TPGS1: variants seen among roughly 807,000 people sequenced by gnomAD.
TPGS1 encodes the protein tubulin polyglutamylase complex subunit 1, also known as gene trap ROSA b-geo 22.
In TPGS1, 18 loss-of-function variants were observed where a neutral mutation model predicts 11.9. The observed-to-expected ratio is 1.51, with a 90% confidence interval of 1.04 to 2.24. The LOEUF is 2.24. TPGS1 is among the 30% of genes most tolerant of loss of function. TPGS1 has a pLI of 0.00. For synonymous variants in TPGS1, 247 were observed against 218.2 expected (o/e 1.13, Z -1.16); for missense variants, 500 against 443.0 (o/e 1.13, Z -1.16).
Position 519,116 on chromosome 19 carries a change from T to G in TPGS1, c.566T>G (p.Phe189Cys). 6.5e-7 allele frequency: 1 copy of G among 1,530,342 alleles called. No individual in the cohort carries two copies. The highest frequency in any genetic ancestry group is 8.7e-7 in the Non-Finnish European group (1 of 1,145,492). The allele number at this position is 1,530,342 out of a possible 1,614,324, so 94.8% of individuals were successfully genotyped here. A position where few individuals can be genotyped will look rare whatever the true frequency, so the allele number is the denominator to read the frequency against. The change falls in exon 2 of 2, where the codon TTC becomes TGC. Residue 189 changes from phenylalanine to cysteine, a missense_variant. Coordinates refer to ENST00000359315, the MANE Select transcript of TPGS1 (RefSeq NM_033513.3). Reference protein sequence around the residue: ...SVFRAGTLTCFVLLEFVARAG... With the variant: ...SVFRAGTLTCCVLLEFVARAG... ...TTCCGCGCGGGCACACTCACCTGCT[T>G]CGTGCTGCTGGAGTTCGTGGCGCGC...
intron 1 of TPGS1, among the ~76,000 whole-genome samples, chr19:512,096 C>G (rs1371208670): frequency 1.3e-5 from 2 of 152,156 alleles, no homozygotes; most frequent in African/African-American, 4.8e-5. Flanking sequence ...GTCTTGAACT[C>G]CTGACCTCAA....
chr19:507,981 G>C (rs1337087256), intron 1 of TPGS1, 137 bp downstream of exon 1: 2 of 635,982 alleles, frequency 3.1e-6, no homozygotes, highest in Non-Finnish European at 4.6e-6. Context: ...ATGCCTTCTT[G>C]GGTGGGATGG....
At chr19:518,176 TGGTGG>T (rs1379481852) in intron 1 of TPGS1, among the ~76,000 whole-genome samples, 2 of 9,022 alleles carry the variant, frequency 2.2e-4, no homozygotes. Flanking sequence ...CTGGGAGTGC[TGGTGG>T]GGTGGGGAGG....
chr19:507,940 G>A (rs944773466), intron 1 of TPGS1, 96 bp downstream of exon 1: 12 of 1,008,752 alleles, frequency 1.2e-5, no homozygotes, highest in Admixed American at 8.5e-5. Flanking sequence ...CGGCGCAGGG[G>A]CCCGGGGCTT....
At position 513,669 on chromosome 19, in the gene TPGS1, C is replaced by T. The variant is rs67341978; in HGVS notation, c.339-5220C>T. 9.9e-3 allele frequency among the ~76,000 whole-genome samples: 804 copies of T among 80,976 alleles called. 20 individuals carry two copies. The highest frequency in any genetic ancestry group is 0.021 in the African/African-American group (522 of 25,234). The allele number at this position is 80,976 out of a possible 152,430, so 53.1% of individuals were successfully genotyped here. A position where few individuals can be genotyped will look rare whatever the true frequency, so the allele number is the denominator to read the frequency against. ...TACTGAGCACCTACTGCATACTGGC[C>T]CTGCATTACTGAGTACCTACTGCAC... On this transcript the variant is annotated intron_variant, in intron 1 of 1. Coordinates refer to ENST00000359315, the MANE Select transcript of TPGS1 (RefSeq NM_033513.3).
intron 1 of TPGS1, among the ~76,000 whole-genome samples, chr19:514,910 G>A (rs569969722): frequency 2.4e-4 from 37 of 152,332 alleles, no homozygotes; most frequent in African/African-American, 4.8e-5. Flanking sequence ...TGCCCTCCAC[G>A]GGAGTGTGTG....
rs752548808 is a variant in TPGS1 at position 519,111 on chromosome 19, C to T, written c.561C>T (p.Thr187=). The T allele has an allele frequency of 4.6e-6, 7 of 1,529,632 alleles. No homozygotes were observed. The Admixed American group carries it at 5.9e-5, about 13-fold the overall frequency. 94.8% of individuals were successfully genotyped at this position (1,529,632 alleles called of 1,614,324 possible). ...PLSVFRAGTL[T]CFVLLEFVAR... The stretch of plus-strand genomic sequence containing the variant: ...GCGTCTTCCGCGCGGGCACACTCAC[C>T]TGCTTCGTGCTGCTGGAGTTCGTGG... Residue 187 remains threonine, a synonymous_variant, in exon 2 of 2, where the codon ACC becomes ACT. Transcript: ENST00000359315.
intron 1 of TPGS1, among the ~76,000 whole-genome samples, chr19:515,981 G>A (rs193278328): frequency 0.056 from 8,350 of 149,202 alleles, 288 homozygotes; most frequent in South Asian, 0.1. Context: ...GCAGTGAGCC[G>A]AGATCCCGCC....
Position 519,480 on chromosome 19 carries a change from G to T in TPGS1, c.*57G>T. The T allele has an allele frequency of 6.0e-6, 7 of 1,169,050 alleles. No homozygotes were observed. The highest frequency in any genetic ancestry group is 7.4e-6 in the Non-Finnish European group (7 of 944,842). The allele number at this position is 1,169,050 out of a possible 1,614,324, so 72.4% of individuals were successfully genotyped here. A position where few individuals can be genotyped will look rare whatever the true frequency, so the allele number is the denominator to read the frequency against. On this transcript the variant is annotated 3_prime_UTR_variant, in exon 2 of 2. Coordinates refer to ENST00000359315, the MANE Select transcript of TPGS1 (RefSeq NM_033513.3). ...GCTGGGGGGTCCCCGCGTGCGGGGC[G>T]CGCGGAGCCTTCCCTTCGCCCTGGT... is the stretch of plus-strand genomic sequence containing the variant.
intron 1 of TPGS1, 35 bp downstream of exon 1, chr19:507,879 C>T: frequency 1.5e-6 from 2 of 1,293,458 alleles, no homozygotes; most frequent in Non-Finnish European, 2.0e-6. Flanking sequence ...GGTGGGGCAG[C>T]GATGGACTTC....
At chr19:514,376 G>A (rs1193417777) in intron 1 of TPGS1, among the ~76,000 whole-genome samples, 1 of 149,784 alleles carries the variant, frequency 6.7e-6, no homozygotes, top group East Asian at 2.0e-4. Context: ...CATTTACTGA[G>A]CACCCACTGC....
At position 519,180 on chromosome 19, in the gene TPGS1, C is replaced by T; in HGVS notation, c.630C>T (p.Ala210=). The part of the protein sequence containing the change: ...ALFQLLEDSA[A]AVADRRVGQA... The stretch of plus-strand genomic sequence containing the variant: ...TCCAGCTGCTGGAGGACTCGGCCGC[C>T]GCCGTGGCCGACCGCCGCGTGGGCC... Residue 210 remains alanine (A), a synonymous_variant, in exon 2 of 2, where the codon GCC becomes GCT. Transcript: ENST00000359315. 1.3e-6 allele frequency: 2 copies of T among 1,490,576 alleles called. No individual in the cohort carries two copies. The highest frequency in any genetic ancestry group is 1.8e-6 in the Non-Finnish European group (2 of 1,127,878). 92.3% of individuals were successfully genotyped at this position (1,490,576 alleles called of 1,614,324 possible).
chr19:519,532 G>C lies in TPGS1; in HGVS notation c.*109G>C, dbSNP rs1979086475. 22 of 1,045,922 alleles carry C rather than the reference G, an allele frequency of 2.1e-5. No individual in the cohort carries two copies. The South Asian group carries it at 8.6e-4, about 41-fold the overall frequency. 64.8% of individuals were successfully genotyped at this position (1,045,922 alleles called of 1,614,324 possible). On this transcript the variant is annotated 3_prime_UTR_variant, in exon 2 of 2. Coordinates refer to ENST00000359315, the MANE Select transcript of TPGS1 (RefSeq NM_033513.3). ...AGGCCCTGCCATAACCAGGCGCCCA[G>C]CCCTGCGGAGGAGGCCGGGGCTCCC... is the stretch of plus-strand genomic sequence containing the variant.
chr19:515,093 C>T (rs1001198199), intron 1 of TPGS1, among the ~76,000 whole-genome samples: 1 of 152,218 alleles, frequency 6.6e-6, no homozygotes, highest in South Asian at 2.1e-4. Context: ...TTCAGCTCTA[C>T]GGTTCTGGTC....
At chr19:517,221 C>T (rs529281086) in intron 1 of TPGS1, among the ~76,000 whole-genome samples, 6 of 148,502 alleles carry the variant, frequency 4.0e-5, no homozygotes, top group Non-Finnish European at 5.9e-5. Context: ...TCAGGGGAGG[C>T]GACATTTGAG....
chr19:519,231 C>A lies in TPGS1; in HGVS notation c.681C>A (p.Gly227=). The change falls in exon 2 of 2, where the codon GGC becomes GGA. Residue 227 remains glycine (G), a synonymous_variant. Coordinates refer to ENST00000359315, the MANE Select transcript of TPGS1 (RefSeq NM_033513.3). ...AGGCCGTGCTGGACACCCTGGAGGG[C>A]GCGCTGCAGGCCAGCGACGCCGCCG... The part of the protein sequence containing the change: ...VGQAVLDTLE[G]ALQASDAAAP... 1.5e-6 allele frequency: 2 copies of A among 1,339,932 alleles called. No individual in the cohort carries two copies. The highest frequency in any genetic ancestry group is 1.9e-6 in the Non-Finnish European group (2 of 1,051,158). 83.0% of individuals were successfully genotyped at this position (1,339,932 alleles called of 1,614,324 possible).
intron 1 of TPGS1, among the ~76,000 whole-genome samples, chr19:515,692 T>G (rs1470484105): frequency 6.8e-6 from 1 of 147,610 alleles, no homozygotes; most frequent in Non-Finnish European, 1.5e-5. Context: ...GAGCTGAGAT[T>G]GTGCCACTGC....
chr19:516,394 T>C (rs903976076), intron 1 of TPGS1, among the ~76,000 whole-genome samples: 3 of 151,742 alleles, frequency 2.0e-5, no homozygotes, highest in African/African-American at 4.8e-5. Flanking sequence ...TTTTCTTTTT[T>C]TTTTTTTTGA....
chr19:514,706 C>G (rs1429715308), intron 1 of TPGS1, among the ~76,000 whole-genome samples: 1 of 152,244 alleles, frequency 6.6e-6, no homozygotes, highest in Non-Finnish European at 1.5e-5. Flanking sequence ...CACTTCCTCT[C>G]TGGGACCCTT....
Sources: gnomAD v4.1 joint callset for allele counts (sites outside exome capture counted in the v4.1 genomes callset) on GRCh38, gnomAD v4.1.1 for gene constraint, MANE v1.5 for transcripts, NCBI Gene and HGNC (gene_info 2026-07-23, HGNC 2026-07-21) for gene names.